The following FAF2 variants were observed in gnomAD, a reference collection of about 807,000 sequenced individuals.
FAF2 encodes Fas associated factor family member 2, also known as FAS-associated factor 2.
In FAF2, 9 loss-of-function variants were observed where a neutral mutation model predicts 62.3. The ratio of observed to expected loss-of-function variants is 0.14; its 90% confidence interval spans 0.09 to 0.25. FAF2 has a LOEUF of 0.25. Ranked by LOEUF, FAF2 falls within the 10% of genes least tolerant of loss-of-function variation. The probability of loss-of-function intolerance (pLI) is 1.00; values close to 1 mark genes in which losing one functional copy is unlikely to be tolerated. For synonymous variants in FAF2, 202 were observed against 198.0 expected (o/e 1.02, Z -0.17); for missense variants, 368 against 556.2 (o/e 0.66, Z 3.40).
chr5:176,506,747 T>G (rs1222237669), intron 10 of FAF2, 21 bp from the exon 11 acceptor site: 3 of 1,606,362 alleles, frequency 1.9e-6, no homozygotes, highest in South Asian at 2.2e-5. Flanking sequence ...CCACCCTTCT[T>G]TTTCTATATG....
In FAF2 at chr5:176,507,087, T is replaced by A. The variant is rs1022689168; in HGVS notation, c.*137T>A. 1.5e-4 allele frequency: 69 copies of A among 451,716 alleles called. No homozygotes were observed. The highest frequency in any genetic ancestry group is 3.5e-4 in the Admixed American group (7 of 19,910). 28.0% of individuals were successfully genotyped at this position (451,716 alleles called of 1,614,324 possible). A position where few individuals can be genotyped will look rare whatever the true frequency, so the allele number is the denominator to read the frequency against. ...TATTATTATAATACAATATTTTTTT[T>A]AAAAGACTGCTGCATCCTTAGGAAG... On this transcript the variant is annotated 3_prime_UTR_variant, in exon 11 of 11. Transcript: ENST00000261942.
intron 1 of FAF2, among the ~76,000 whole-genome samples, chr5:176,475,788 A>G (rs2113730111): frequency 6.6e-6 from 1 of 152,112 alleles, no homozygotes; most frequent in Non-Finnish European, 1.5e-5. Context: ...AAAAAGAATT[A>G]CTATCAATAC....
chr5:176,458,406 TCC>T (rs1373063476), intron 1 of FAF2, among the ~76,000 whole-genome samples: 4 of 87,284 alleles, frequency 4.6e-5, no homozygotes, highest in African/African-American at 2.2e-4. Context: ...TTCTTTTTCT[TCC>T]TTTTTTTTTT....
At chr5:176,481,361 T>C (rs1467930910) in intron 2 of FAF2, among the ~76,000 whole-genome samples, 22 of 152,002 alleles carry the variant, frequency 1.4e-4, no homozygotes, top group Admixed American at 9.8e-4. Context: ...TTTTTCTTTC[T>C]AAGAGACAGG....
Position 176,461,312 on chromosome 5 carries a change from CT to C in FAF2, c.63+12866del, listed in dbSNP as rs60608969. ...TACAGGTGTGAGCCACTGTGCCCAG[CT>C]TTTTTTTTTTTTTTTTTTTTTTTGA... On this transcript the variant is annotated intron_variant, in intron 1 of 10. Transcript: ENST00000261942. 2.9e-3 allele frequency among the ~76,000 whole-genome samples: 207 copies of C among 70,720 alleles called. 1 individual carries two copies. Among genetic ancestry groups the C allele is most frequent in the African/African-American group, 0.012 (196 of 16,976 alleles). The allele number at this position is 70,720 out of a possible 152,430, so 46.4% of individuals were successfully genotyped here. A position where few individuals can be genotyped will look rare whatever the true frequency, so the allele number is the denominator to read the frequency against.
In FAF2 at chr5:176,505,375, T is replaced by A. The variant is rs575294655; in HGVS notation, c.1156-1393T>A. ...ATACTGCCTCCCTTCTCACTAAGGA[T>A]TTTAACTGTGCCTTGTCAGAGCCAG... On this transcript the variant is annotated intron_variant, in intron 10 of 10. Transcript: ENST00000261942. 2.6e-5 allele frequency among the ~76,000 whole-genome samples: 4 copies of A among 152,314 alleles called. No homozygotes were observed. In the East Asian group the frequency reaches 7.7e-4, roughly 29 times the overall value.
chr5:176,482,195 A>T (rs1284515294), intron 2 of FAF2, among the ~76,000 whole-genome samples: 1 of 149,018 alleles, frequency 6.7e-6, no homozygotes, highest in Non-Finnish European at 1.5e-5. Flanking sequence ...AAATTTGGTT[A>T]TCTTTTTCAT....
At chr5:176,479,777 A>C (rs1412050039) in intron 2 of FAF2, among the ~76,000 whole-genome samples, 2 of 151,900 alleles carry the variant, frequency 1.3e-5, no homozygotes, top group African/African-American at 4.8e-5. Context: ...GCTCACTGCA[A>C]CCTCTGCCTC....
chr5:176,481,645 AGACTCT>A (rs1758785792), intron 2 of FAF2, among the ~76,000 whole-genome samples: 2 of 151,590 alleles, frequency 1.3e-5, no homozygotes, highest in South Asian at 4.2e-4. Flanking sequence ...GGACAGAGTG[AGACTCT>A]GTCTCAAAAA....
chr5:176,490,173 C>T (rs1278770609), intron 4 of FAF2, among the ~76,000 whole-genome samples: 3 of 151,852 alleles, frequency 2.0e-5, no homozygotes, highest in African/African-American at 7.3e-5. Flanking sequence ...TAGCCGGGCG[C>T]GGTGGCTGGT....
At chr5:176,479,987 G>A (rs1282380177) in intron 2 of FAF2, among the ~76,000 whole-genome samples, 4 of 152,076 alleles carry the variant, frequency 2.6e-5, no homozygotes, top group African/African-American at 9.7e-5. Flanking sequence ...GAGCCACCGC[G>A]CCCGGCCATG....
At chr5:176,466,062 G>A (rs2033198) in intron 1 of FAF2, among the ~76,000 whole-genome samples, 126,119 of 152,192 alleles carry the variant, frequency 0.83, 52,400 homozygotes, top group African/African-American at 0.9. Flanking sequence ...TACAGTATCT[G>A]TTTTATTACA....
chr5:176,485,805 A>C (rs1386084880), intron 2 of FAF2, among the ~76,000 whole-genome samples: 1 of 152,084 alleles, frequency 6.6e-6, no homozygotes, highest in Non-Finnish European at 1.5e-5. Context: ...CTCTGGGCTC[A>C]AGCAATCCTC....
chr5:176,495,030 C>G (rs1339332163), intron 7 of FAF2, among the ~76,000 whole-genome samples: 1 of 151,968 alleles, frequency 6.6e-6, no homozygotes, highest in South Asian at 2.1e-4. Context: ...TTAACAGAGC[C>G]CTTGCATAGT....
chr5:176,459,769 T>G (rs1758343384), intron 1 of FAF2, among the ~76,000 whole-genome samples: 1 of 152,158 alleles, frequency 6.6e-6, no homozygotes, highest in African/African-American at 2.4e-5. Flanking sequence ...ATGTGTGGGT[T>G]TGATACATGA....
rs969542467 is a variant in FAF2, at chr5:176,496,644, G to C, written c.820G>C (p.Val274Leu). 4.4e-6 allele frequency: 7 copies of C among 1,593,616 alleles called. No homozygotes were observed. The highest frequency in any genetic ancestry group is 6.0e-6 in the Non-Finnish European group (7 of 1,170,718). The stretch of plus-strand genomic sequence containing the variant: ...CATGGATGCTAACCAGACTTACCTG[G>C]TGTCAGAACGCCTAGAAAGGTACAA... ...FIMDANQTYL[V>L]SERLEREERN... is the part of the protein sequence containing the mutation. The change falls in exon 8 of 11, where the codon GTG (valine) becomes CTG (leucine). Residue 274 changes from valine to leucine, a missense_variant. By Grantham distance (32) the Val-to-Leu change is conservative. Around this residue, in one of 2 missense-constraint regions of FAF2, gnomAD observed 331 missense variants for 441.9 expected, o/e 0.75. Transcript: ENST00000261942.
Position 176,499,062 on chromosome 5 carries a change from T to C in FAF2, c.988T>C (p.Leu330=), listed in dbSNP as rs770136840. Residue 330 remains leucine (L), a synonymous_variant, in exon 9 of 11, where the codon TTG becomes CTG. Coordinates refer to ENST00000261942, the MANE Select transcript of FAF2 (RefSeq NM_014613.3). ...RKEEEVQQQK[L]AEERRRQNLQ... ...GGAGGAGGAGGTGCAACAGCAAAAG[T>C]TGGCAGAGGAGAGACGGCGGCAGGT... 1.9e-6 allele frequency: 3 copies of C among 1,602,052 alleles called. No homozygotes were observed. In the South Asian group the frequency reaches 3.3e-5, roughly 18 times the overall value.
At chr5:176,463,922 G>GT (rs1758423098) in intron 1 of FAF2, among the ~76,000 whole-genome samples, 1 of 151,896 alleles carries the variant, frequency 6.6e-6, no homozygotes, top group Non-Finnish European at 1.5e-5. Flanking sequence ...TAGAGACGGG[G>GT]TTTCACCATG....
intron 1 of FAF2, among the ~76,000 whole-genome samples, chr5:176,459,576 G>C (rs774183920): frequency 9.9e-5 from 15 of 152,106 alleles, no homozygotes; most frequent in Admixed American, 2.0e-4. Flanking sequence ...TCTCATCTTT[G>C]CAGCAATGTA....
Sources: allele counts gnomAD v4.1 joint callset (sites outside exome capture counted in the v4.1 genomes callset), GRCh38; gene constraint gnomAD v4.1.1; regional missense constraint gnomAD v4.1.1; transcripts MANE v1.5; gene names NCBI Gene and HGNC (gene_info 2026-07-23, HGNC 2026-07-21).